The following YBEY variants were observed in gnomAD, a reference collection of about 807,000 sequenced individuals.
YBEY encodes endoribonuclease YbeY.
In YBEY, 15 loss-of-function variants were observed where a neutral mutation model predicts 13.5. That is an observed-to-expected ratio of 1.11 (90% CI 0.75 to 1.72). The LOEUF is 1.72. Among genes scored for constraint, YBEY ranks in the 40% most tolerant of loss-of-function variants. YBEY has a pLI of 0.00. For synonymous variants in YBEY, 101 were observed against 83.1 expected (o/e 1.21, Z -1.17); for missense variants, 244 against 208.4 (o/e 1.17, Z -1.05).
At chr21:46,301,688 A>G (rs1050699920), downstream of YBEY, 1 of 1,150,924 alleles carries the variant, frequency 8.7e-7, no homozygotes, top group Non-Finnish European at 1.1e-6. Flanking sequence ...GGGGGATCTG[A>G]GGCTCCCAGG....
downstream of YBEY, among the ~76,000 whole-genome samples, chr21:46,298,885 C>T (rs950224232): frequency 1.5e-4 from 22 of 151,698 alleles, no homozygotes; most frequent in Middle Eastern, 3.2e-3. Flanking sequence ...CCACTACGCC[C>T]AGCTAATTTT....
At chr21:46,303,745 A>ATTTTTTTTTTT in the YBEY span, among the ~76,000 whole-genome samples, 2 of 23,806 alleles carry the variant, frequency 8.4e-5, no homozygotes, top group Non-Finnish European at 1.4e-4. Flanking sequence ...ATATATATAT[A>ATTTTTTTTTTT]TTTTTTTTTT....
chr21:46,294,879 T>G (rs115738594), intron 3 of YBEY, among the ~76,000 whole-genome samples: 8 of 152,192 alleles, frequency 5.3e-5, no homozygotes, highest in African/African-American at 1.9e-4. Context: ...TCCAAGTGCA[T>G]CTGTGTGGCT....
chr21:46,290,209 CCT>C (rs1054480022), intron 2 of YBEY, among the ~76,000 whole-genome samples: 3 of 124,986 alleles, frequency 2.4e-5, no homozygotes, highest in Admixed American at 8.6e-5. Context: ...CTGACAAATT[CCT>C]TTTTTTTTTT....
rs768938759 is a variant in YBEY, at chr21:46,296,219, G to C, written c.397G>C (p.Glu133Gln). ...GGGATTCACACACGGCACGGAGGCA[G>C]AGTGGCAGCAGGTAAGGAGCCCATC... ...LLGFTHGTEA[E>Q]WQQMFQKEKA... The change falls in exon 4 of 5, where the codon GAG (glutamate) becomes CAG (glutamine). Residue 133 changes from glutamate (E) to glutamine (Q), a missense_variant. Glu to Gln is a conservative substitution (Grantham distance 29, BLOSUM62 2). Transcript: ENST00000397701. The C allele has an allele frequency of 6.2e-7, 1 of 1,613,722 alleles. No homozygotes were observed. Among genetic ancestry groups the C allele is most frequent in the Non-Finnish European group, 8.5e-7 (1 of 1,180,028 alleles).
downstream of YBEY, among the ~76,000 whole-genome samples, chr21:46,298,681 G>A (rs752610728): frequency 5.3e-5 from 8 of 151,342 alleles, no homozygotes; most frequent in East Asian, 3.9e-4. Context: ...CGCCCACCTC[G>A]GCCTCCCAAA....
At chr21:46,308,244 C>T in the YBEY span, among the ~76,000 whole-genome samples, 8,533 of 152,086 alleles carry the variant, frequency 0.056, 306 homozygotes, top group Non-Finnish European at 0.081. Context: ...GGGCAGATCA[C>T]GAGGTCAGGA....
the YBEY span, among the ~76,000 whole-genome samples, chr21:46,309,101 C>G: frequency 1.3e-5 from 2 of 151,834 alleles, no homozygotes; most frequent in African/African-American, 4.8e-5. Flanking sequence ...GGTGGATCAC[C>G]TGAGGTCAGG....
the YBEY span, among the ~76,000 whole-genome samples, chr21:46,304,459 C>A: frequency 6.6e-6 from 1 of 151,334 alleles, no homozygotes; most frequent in Non-Finnish European, 1.5e-5. Flanking sequence ...GCACTCCAGC[C>A]TGGGCAATGG....
chr21:46,294,398 A>AAT (rs2081866790), intron 3 of YBEY, among the ~76,000 whole-genome samples: 2 of 62,314 alleles, frequency 3.2e-5, no homozygotes, highest in African/African-American at 1.1e-4. Context: ...CTCAGTGGGG[A>AAT]CAGCCACACA....
intron 2 of YBEY, among the ~76,000 whole-genome samples, chr21:46,289,458 T>G (rs1040181449): frequency 5.1e-5 from 7 of 138,198 alleles, no homozygotes; most frequent in Non-Finnish European, 9.6e-5. Context: ...TTTTTTTTTT[T>G]TTTTTGAGAC....
chr21:46,311,543 T>C, the YBEY span: 2 of 1,611,552 alleles, frequency 1.2e-6, no homozygotes, highest in Admixed American at 3.4e-5. Context: ...AGCTGCTGAA[T>C]GATGGTGGCA....
At chr21:46,300,936 T>C, downstream of YBEY, 1 of 810,326 alleles carries the variant, frequency 1.2e-6, no homozygotes, top group Non-Finnish European at 1.7e-6. Flanking sequence ...CCTGTCCACA[T>C]GGTAAGAAAC....
At chr21:46,291,571 C>A in intron 3 of YBEY, 109 bp downstream of exon 3, 1 of 1,528,750 alleles carries the variant, frequency 6.5e-7, no homozygotes, top group Non-Finnish European at 8.8e-7. Context: ...ACCGTAAGGG[C>A]TACTGGGGGA....
intron 2 of YBEY, among the ~76,000 whole-genome samples, chr21:46,287,390 C>A (rs370790951): frequency 6.7e-6 from 1 of 148,358 alleles, no homozygotes; most frequent in African/African-American, 2.5e-5. Flanking sequence ...TTAGTAGAGA[C>A]GGGGGTTTTA....
At chr21:46,295,451 C>T (rs568029200) in intron 3 of YBEY, among the ~76,000 whole-genome samples, 7 of 152,176 alleles carry the variant, frequency 4.6e-5, no homozygotes, top group South Asian at 2.1e-4. Context: ...CCCCTTGGTG[C>T]TGTGCCTGCT....
chr21:46,306,905 A>AT, the YBEY span, among the ~76,000 whole-genome samples: 1 of 143,524 alleles, frequency 7.0e-6, no homozygotes, highest in Non-Finnish European at 1.5e-5. Context: ...ATTTTTATTT[A>AT]TTTTTTTTAA....
chr21:46,309,045 G>A, the YBEY span, among the ~76,000 whole-genome samples: 3 of 152,160 alleles, frequency 2.0e-5, no homozygotes, highest in East Asian at 1.9e-4. Context: ...TTGGCCAGGC[G>A]CAGTGGCTCA....
At chr21:46,296,909 G>A (rs535051344) in intron 4 of YBEY, among the ~76,000 whole-genome samples, 5 of 151,966 alleles carry the variant, frequency 3.3e-5, no homozygotes, top group Non-Finnish European at 4.4e-5. Context: ...CAGGAGAATC[G>A]CTTGAACCCA....
Sources: allele counts gnomAD v4.1 joint callset (sites outside exome capture counted in the v4.1 genomes callset), GRCh38; gene constraint gnomAD v4.1.1; transcripts MANE v1.5; gene names NCBI Gene and HGNC (gene_info 2026-07-23, HGNC 2026-07-21).